FAM131B: variants seen among roughly 807,000 people sequenced by gnomAD.
FAM131B encodes protein FAM131B.
In FAM131B, 19 loss-of-function variants were observed where a neutral mutation model predicts 42.0. The ratio of observed to expected loss-of-function variants is 0.45; its 90% CI spans 0.32 to 0.66. FAM131B has a LOEUF of 0.66. FAM131B is among the 30% of genes least tolerant of loss of function. The pLI, the probability that FAM131B is intolerant of heterozygous loss-of-function variation, is 0.05. For missense variants in FAM131B, 370 were observed against 468.4 expected (o/e 0.79, Z 1.94); for synonymous variants, 183 against 177.6 (o/e 1.03, Z -0.24).
chr7:143,365,121 G>T (rs969697353), upstream of FAM131B, among the ~76,000 whole-genome samples: 1 of 152,160 alleles, frequency 6.6e-6, no homozygotes, highest in Non-Finnish European at 1.5e-5. Flanking sequence ...ATTGAGAAAG[G>T]GAAGCTCAAA....
At chr7:143,368,326 A>G in the FAM131B span, among the ~76,000 whole-genome samples, 2 of 152,326 alleles carry the variant, frequency 1.3e-5, no homozygotes, top group Admixed American at 6.5e-5. Context: ...ACTGACAAAG[A>G]GAGGGAAAGA....
chr7:143,373,111 C>T, the FAM131B span, among the ~76,000 whole-genome samples: 947 of 151,446 alleles, frequency 6.3e-3, 12 homozygotes, highest in African/African-American at 0.022. Context: ...GGCCAGGCAC[C>T]GTGGCTCACG....
chr7:143,375,205 G>A, the FAM131B span, among the ~76,000 whole-genome samples: 6 of 152,180 alleles, frequency 3.9e-5, no homozygotes, highest in Non-Finnish European at 5.9e-5. Context: ...GCTTTCAATG[G>A]TTCTGGAACT....
chr7:143,372,823 G>C, the FAM131B span, among the ~76,000 whole-genome samples: 1 of 152,000 alleles, frequency 6.6e-6, no homozygotes. Flanking sequence ...ACCAGGTGTC[G>C]TGGTGGGCAC....
intron 6 of FAM131B, 33 bp downstream of exon 6, chr7:143,357,247 G>C (rs774616948): frequency 6.8e-6 from 11 of 1,609,804 alleles, no homozygotes; most frequent in South Asian, 1.1e-5. Flanking sequence ...GGCCTCATAG[G>C]CTCCAGAGTT....
chr7:143,356,163 T>G lies in FAM131B; in HGVS notation c.*387A>C. On this transcript the variant is annotated 3_prime_UTR_variant, in exon 7 of 7. Coordinates refer to ENST00000443739, the MANE Select transcript of FAM131B (RefSeq NM_001031690.3). This position sits in a 1 kb window ranked among gnomAD's most constrained non-coding sequence, Gnocchi z 4.4. ...GAAAGGAGGCATTCAGACAGCAGAG[T>G]TACAGCTCCTGGAAGACGAAATCGG... is the stretch of plus-strand genomic sequence containing the variant. 2 of 218,030 alleles carry G rather than the reference T, an allele frequency of 9.2e-6. No individual in the cohort carries two copies. The highest frequency in any genetic ancestry group is 1.8e-5 in the Non-Finnish European group (2 of 109,072). The allele number at this position is 218,030 out of a possible 1,614,324, so 13.5% of individuals were successfully genotyped here.
the FAM131B span, among the ~76,000 whole-genome samples, chr7:143,375,372 C>G: frequency 3.9e-5 from 6 of 152,204 alleles, no homozygotes; most frequent in African/African-American, 1.2e-4. Flanking sequence ...GTACAAAGGC[C>G]TGTCTACTGG....
At position 143,356,723 on chromosome 7, in the gene FAM131B, C is replaced by T. The variant is rs1803673233; in HGVS notation, c.910G>A (p.Glu304Lys). 1 of 1,614,150 alleles carries T rather than the reference C, an allele frequency of 6.2e-7. No homozygotes were observed. The highest frequency in any genetic ancestry group is 1.3e-5 in the African/African-American group (1 of 75,038). ...TCCTCAGGTGCCAATGGCCTCTTCT[C>T]CTCCTCAGCAGGGCCCCTTGCCAGG... ...VDLARGPAEE[E>K]KRPLAPEEEE... The change falls in exon 7 of 7, where the codon GAG becomes AAG. Residue 304 changes from glutamate (E) to lysine (K), a missense_variant. Glu to Lys is a moderately conservative substitution (Grantham distance 56). Transcript: ENST00000443739. This position sits in a 1 kb window ranked among gnomAD's most constrained non-coding sequence, Gnocchi z 4.4.
At chr7:143,375,189 G>C in the FAM131B span, among the ~76,000 whole-genome samples, 1 of 152,188 alleles carries the variant, frequency 6.6e-6, no homozygotes, top group Non-Finnish European at 1.5e-5. Context: ...CCTTGATCTA[G>C]AGTGAGCTTT....
chr7:143,363,805 G>T (rs369469815), upstream of FAM131B: 18 of 152,346 alleles, frequency 1.2e-4, no homozygotes, highest in East Asian at 2.7e-3. Flanking sequence ...AGGTCTCTCC[G>T]AGGTTGCAGA....
the FAM131B span, chr7:143,380,679 CGT>C: frequency 4.1e-6 from 4 of 985,286 alleles, 1 homozygote; most frequent in Middle Eastern, 5.2e-4. This position sits in a 1 kb window ranked among gnomAD's most constrained non-coding sequence, Gnocchi z 5.0. Flanking sequence ...GTTGGAAGTT[CGT>C]ATCCCCAAGA....
At chr7:143,380,080 CAAGACG>C in the FAM131B span, 1 of 985,334 alleles carries the variant, frequency 1.0e-6, no homozygotes, top group Non-Finnish European at 1.2e-6. This position sits in a 1 kb window ranked among gnomAD's most constrained non-coding sequence, Gnocchi z 5.0. Flanking sequence ...TCAGTGTGAA[CAAGACG>C]AAGGCCTCAG....
At position 143,359,636 on chromosome 7, in the gene FAM131B, G is replaced by C. The variant is rs549125328; in HGVS notation, c.174+96C>G. On this transcript the variant is annotated intron_variant, in intron 3 of 6. Transcript: ENST00000443739. This position sits in a 1 kb window ranked among gnomAD's most constrained non-coding sequence, Gnocchi z 5.4. ...ACGTGAGTGCTCACAGTGCCTATTGGAGCCAGGGAATACCGTGCTGGTTGG... is the reference window on the plus strand; with the variant it reads ...ACGTGAGTGCTCACAGTGCCTATTGCAGCCAGGGAATACCGTGCTGGTTGG... 147 of 1,246,152 alleles carry C rather than the reference G, an allele frequency of 1.2e-4. No homozygotes were observed. In the African/African-American group the frequency reaches 1.9e-3, roughly 16 times the overall value. 77.2% of individuals were successfully genotyped at this position (1,246,152 alleles called of 1,614,324 possible). A position where few individuals can be genotyped will look rare whatever the true frequency, so the allele number is the denominator to read the frequency against.
chr7:143,367,415 G>T (rs1028394257), upstream of FAM131B, among the ~76,000 whole-genome samples: 3 of 152,160 alleles, frequency 2.0e-5, no homozygotes, highest in African/African-American at 7.2e-5. Context: ...AGTTAGAAAA[G>T]AAAGCTTATC....
At chr7:143,361,939 T>A in intron 1 of FAM131B, 66 of 357,140 alleles carry the variant, frequency 1.8e-4, no homozygotes, top group Non-Finnish European at 2.4e-4. Flanking sequence ...GCCCCTTCCC[T>A]CCACCCGGCC....
chr7:143,360,335 C>G, intron 1 of FAM131B, 186 bp from the exon 2 acceptor site: 1 of 1,429,432 alleles, frequency 7.0e-7, no homozygotes, highest in Non-Finnish European at 9.1e-7. Flanking sequence ...TTTAGCTCAA[C>G]CCAGAATAGT....
upstream of FAM131B, among the ~76,000 whole-genome samples, chr7:143,364,668 C>T (rs1804139279): frequency 6.6e-6 from 1 of 152,088 alleles, no homozygotes; most frequent in Non-Finnish European, 1.5e-5. Flanking sequence ...CCACTACCCA[C>T]ACAAAAAAAG....
the FAM131B span, among the ~76,000 whole-genome samples, chr7:143,372,451 G>GA: frequency 2.0e-5 from 3 of 152,236 alleles, no homozygotes; most frequent in Non-Finnish European, 4.4e-5. Context: ...TAGAAAAATA[G>GA]AAGGAGCTGG....
At position 143,359,806 on chromosome 7, in the gene FAM131B, C is replaced by T; in HGVS notation, c.139-39G>A. The T allele has an allele frequency of 6.5e-7, 1 of 1,547,794 alleles. No homozygotes were observed. The highest frequency in any genetic ancestry group is 8.7e-7 in the Non-Finnish European group (1 of 1,143,230). On this transcript the variant is annotated intron_variant, in intron 2 of 6. Coordinates refer to ENST00000443739, the MANE Select transcript of FAM131B (RefSeq NM_001031690.3). The surrounding 1 kb of genome is among the most constrained non-coding windows in gnomAD (Gnocchi z 5.4). ...GGAAAGGGAATGGGCATCCCAGTCA[C>T]TCGCAGGAATGCAAGGAAGCCCCCT...
Sources: gnomAD v4.1 joint callset for allele counts (sites outside exome capture counted in the v4.1 genomes callset) on GRCh38, gnomAD v4.1.1 for gene constraint, Gnocchi (gnomAD v3.1) non-coding constraint, MANE v1.5 for transcripts, NCBI Gene and HGNC (gene_info 2026-07-23, HGNC 2026-07-21) for gene names.